NTNG1: variants seen among roughly 807,000 people sequenced by gnomAD.
NTNG1 encodes the protein netrin G1.
A neutral mutation model predicts 54.0 loss-of-function variants in NTNG1; 16 were observed. That is an observed-to-expected ratio of 0.30 (90% CI 0.20 to 0.45). The LOEUF (loss-of-function observed/expected upper bound fraction) is 0.45, where lower values mean the gene tolerates loss of function less well. Among genes scored for constraint, NTNG1 ranks in the 20% least tolerant of loss-of-function variants. The probability of loss-of-function intolerance (pLI) is 1.00; values close to 1 mark genes in which losing one functional copy is unlikely to be tolerated. For synonymous variants in NTNG1, 255 were observed against 263.1 expected (o/e 0.97, Z 0.30); for missense variants, 530 against 678.7 (o/e 0.78, Z 2.43).
At chr1:107,290,567 GT>G (rs767386257) in intron 2 of NTNG1, among the ~76,000 whole-genome samples, 3 of 151,876 alleles carry the variant, frequency 2.0e-5, no homozygotes, top group Non-Finnish European at 4.4e-5. Context: ...TATTATATTT[GT>G]TAAGCATTGT....
At chr1:107,433,833 C>T (rs1202158005) in intron 6 of NTNG1, among the ~76,000 whole-genome samples, 3 of 152,192 alleles carry the variant, frequency 2.0e-5, no homozygotes, top group African/African-American at 7.2e-5. Context: ...TGGAGTTTGC[C>T]CTCTCAGGGC....
chr1:107,237,336 T>C (rs993301227), intron 2 of NTNG1, among the ~76,000 whole-genome samples: 2 of 152,162 alleles, frequency 1.3e-5, no homozygotes. Flanking sequence ...AGAGATGACC[T>C]GGGTGTTGTT....
intron 2 of NTNG1, among the ~76,000 whole-genome samples, chr1:107,242,128 T>G (rs1299942748): frequency 6.6e-6 from 1 of 151,856 alleles, no homozygotes; most frequent in South Asian, 2.1e-4. Flanking sequence ...ACAAGCATTA[T>G]CTGAGCGTGG....
At chr1:107,171,846 A>G (rs1320294795) in intron 2 of NTNG1, among the ~76,000 whole-genome samples, 1 of 152,172 alleles carries the variant, frequency 6.6e-6, no homozygotes, top group African/African-American at 2.4e-5. Flanking sequence ...CTAGTCTCAC[A>G]TTCACATTGA....
intron 3 of NTNG1, among the ~76,000 whole-genome samples, chr1:107,393,266 T>C (rs115478723): frequency 1.2e-4 from 18 of 152,274 alleles, no homozygotes; most frequent in South Asian, 2.1e-4. Context: ...ACACCAGATA[T>C]GGTGCTAAAT....
chr1:107,223,079 T>C (rs1216733368), intron 2 of NTNG1, among the ~76,000 whole-genome samples: 12 of 152,132 alleles, frequency 7.9e-5, no homozygotes, highest in Admixed American at 7.2e-4. Context: ...TCTCTATAGA[T>C]TCTGATCAAT....
intron 2 of NTNG1, among the ~76,000 whole-genome samples, chr1:107,273,405 G>A (rs906412259): frequency 6.6e-5 from 10 of 152,178 alleles, no homozygotes; most frequent in African/African-American, 2.4e-4. Context: ...AATTCTTAAG[G>A]GAATAGCATG....
intron 2 of NTNG1, among the ~76,000 whole-genome samples, chr1:107,161,692 C>G (rs1006156784): frequency 6.7e-6 from 1 of 150,186 alleles, no homozygotes; most frequent in Non-Finnish European, 1.5e-5. Flanking sequence ...GAAAAAACAC[C>G]AAAAAAACCT....
At chr1:107,286,724 T>C (rs1261129160) in intron 2 of NTNG1, among the ~76,000 whole-genome samples, 1 of 152,198 alleles carries the variant, frequency 6.6e-6, no homozygotes, top group East Asian at 1.9e-4. Flanking sequence ...GTGCCTTTTA[T>C]GCTATTTGTC....
chr1:107,433,517 C>A (rs1675405999), intron 6 of NTNG1, among the ~76,000 whole-genome samples: 2 of 152,052 alleles, frequency 1.3e-5, no homozygotes, highest in Non-Finnish European at 2.9e-5. Context: ...CCACTGCACT[C>A]CAGCCTGGGC....
At chr1:107,377,315 C>T (rs1671350698) in intron 3 of NTNG1, among the ~76,000 whole-genome samples, 1 of 152,150 alleles carries the variant, frequency 6.6e-6, no homozygotes, top group Non-Finnish European at 1.5e-5. Flanking sequence ...CACCACACCT[C>T]CAAGCTCCCC....
intron 2 of NTNG1, among the ~76,000 whole-genome samples, chr1:107,253,829 A>G (rs1186301820): frequency 3.9e-5 from 6 of 152,220 alleles, no homozygotes; most frequent in Non-Finnish European, 8.8e-5. Flanking sequence ...TCTCGAAATT[A>G]GTATTCTTTT....
At chr1:107,157,641 G>A (rs886172360) in intron 2 of NTNG1, among the ~76,000 whole-genome samples, 10 of 152,086 alleles carry the variant, frequency 6.6e-5, no homozygotes, top group Non-Finnish European at 1.2e-4. Flanking sequence ...ATATTTGAAG[G>A]TAAAAATGGC....
In NTNG1 at chr1:107,473,348, A is replaced by G. The variant is rs897847243; in HGVS notation, c.1391-7263A>G. Among the ~76,000 whole-genome samples the G allele has an allele frequency of 2.6e-5, 4 of 152,250 alleles. No homozygotes were observed. The South Asian group carries it at 6.2e-4, about 24-fold the overall frequency. On this transcript the variant is annotated intron_variant, in intron 7 of 7. Coordinates refer to ENST00000370068, the MANE Select transcript of NTNG1 (RefSeq NM_001113226.3). ...CTTCCCTTTGGTAGTGGAATGGATC[A>G]TCATGACCTTAGGGGAACAAGTGAC...
intron 2 of NTNG1, among the ~76,000 whole-genome samples, chr1:107,167,167 A>G (rs1655859168): frequency 6.6e-6 from 1 of 152,020 alleles, no homozygotes; most frequent in South Asian, 2.1e-4. Context: ...AAAATTGCCT[A>G]AGTTCTATTT....
chr1:107,163,924 G>T (rs941453499), intron 2 of NTNG1, among the ~76,000 whole-genome samples: 1 of 152,116 alleles, frequency 6.6e-6, no homozygotes, highest in Non-Finnish European at 1.5e-5. Context: ...GAAATGCTAG[G>T]TTCTAAATCA....
At chr1:107,412,005 G>A (rs562669009) in intron 5 of NTNG1, among the ~76,000 whole-genome samples, 23 of 152,042 alleles carry the variant, frequency 1.5e-4, no homozygotes, top group African/African-American at 5.5e-4. Context: ...AATCCAATAA[G>A]TTTGCCAATC....
At chr1:107,395,430 C>T (rs185767343) in intron 4 of NTNG1, 104 bp downstream of exon 4, 1 of 1,085,194 alleles carries the variant, frequency 9.2e-7, no homozygotes, top group Non-Finnish European at 1.4e-6. Context: ...CCAGTTGTCT[C>T]ATTCTTCTTT....
chr1:107,325,388 A>G (rs1667895549), intron 3 of NTNG1, among the ~76,000 whole-genome samples: 1 of 152,140 alleles, frequency 6.6e-6, no homozygotes, highest in South Asian at 2.1e-4. Flanking sequence ...CTTTAAATTT[A>G]TTAAATCAGA....
Sources: gnomAD v4.1 joint callset for allele counts (sites outside exome capture counted in the v4.1 genomes callset) on GRCh38, gnomAD v4.1.1 for gene constraint, MANE v1.5 for transcripts, NCBI Gene and HGNC (gene_info 2026-07-23, HGNC 2026-07-21) for gene names.